The following ZBTB7C variants were observed in gnomAD, a reference collection of about 807,000 sequenced individuals.
The protein encoded by ZBTB7C is zinc finger and BTB domain-containing protein 7C.
In ZBTB7C, 8 loss-of-function variants were observed where a neutral mutation model predicts 25.7. That is an observed-to-expected ratio of 0.31 (90% confidence interval 0.18 to 0.56). The LOEUF is 0.56. Ranked by LOEUF, ZBTB7C falls within the 20% of genes least tolerant of loss-of-function variation. The pLI, the probability that ZBTB7C is intolerant of heterozygous loss-of-function variation, is 0.91. For missense variants in ZBTB7C, 824 were observed against 855.2 expected, an observed-to-expected ratio of 0.96 and a Z score of 0.46; for synonymous variants, 394 against 369.0, an observed-to-expected ratio of 1.07 and a Z score of -0.78.
chr18:48,127,390 A>C (rs1477663042), intron 3 of ZBTB7C, among the ~76,000 whole-genome samples: 1 of 152,164 alleles, frequency 6.6e-6, no homozygotes, highest in South Asian at 2.1e-4. Flanking sequence ...GCTGAATGTC[A>C]TGCCTGATTC....
Position 48,376,004 on chromosome 18 carries a change from C to G in ZBTB7C, c.-304+33222G>C, listed in dbSNP as rs146414689. Reference sequence around the variant, plus strand: ...AAATGGTAGTGTGCATCAGAATTGCCTGGAAGGCTTGTAAAATGCAGATGG... The same window carrying G: ...AAATGGTAGTGTGCATCAGAATTGCGTGGAAGGCTTGTAAAATGCAGATGG... On this transcript the variant is annotated intron_variant, in intron 1 of 4. Transcript: ENST00000590800. 6.5e-4 allele frequency among the ~76,000 whole-genome samples: 99 copies of G among 152,280 alleles called. 1 individual carries two copies. Among genetic ancestry groups the G allele is most frequent in the Non-Finnish European group, 1.1e-3 (74 of 68,030 alleles).
chr18:48,386,380 C>T (rs1434909429), intron 1 of ZBTB7C, among the ~76,000 whole-genome samples: 2 of 152,190 alleles, frequency 1.3e-5, no homozygotes, highest in South Asian at 2.1e-4. Flanking sequence ...CAGGTGAACT[C>T]GGATGCTAAG....
chr18:48,351,990 C>T (rs2046874288), intron 1 of ZBTB7C, among the ~76,000 whole-genome samples: 1 of 152,168 alleles, frequency 6.6e-6, no homozygotes. Flanking sequence ...GCCCAGCCCC[C>T]TTCCTCACCT....
chr18:48,270,158 A>C (rs1431924687), intron 2 of ZBTB7C, among the ~76,000 whole-genome samples: 1 of 152,126 alleles, frequency 6.6e-6, no homozygotes, highest in Non-Finnish European at 1.5e-5. Flanking sequence ...AAACACAAAG[A>C]AAGTAGAAGA....
chr18:48,134,249 ATAGT>A (rs2040078388), intron 3 of ZBTB7C, among the ~76,000 whole-genome samples: 1 of 152,282 alleles, frequency 6.6e-6, no homozygotes, highest in Non-Finnish European at 1.5e-5. Flanking sequence ...CACAAAAGTG[ATAGT>A]TAATTTTAGA....
chr18:48,333,089 TAG>T (rs2046377796), intron 2 of ZBTB7C, among the ~76,000 whole-genome samples: 2 of 152,224 alleles, frequency 1.3e-5, no homozygotes, highest in South Asian at 4.1e-4. Context: ...ACCCCCAAAT[TAG>T]AAACTAATTA....
intron 2 of ZBTB7C, among the ~76,000 whole-genome samples, chr18:48,286,115 T>C (rs1447559465): frequency 6.6e-6 from 1 of 152,220 alleles, no homozygotes; most frequent in Non-Finnish European, 1.5e-5. Context: ...TTTTAGTCCC[T>C]CTTCTTTTCA....
intron 2 of ZBTB7C, among the ~76,000 whole-genome samples, chr18:48,257,182 A>G (rs1327687767): frequency 6.6e-6 from 1 of 152,108 alleles, no homozygotes; most frequent in Non-Finnish European, 1.5e-5. Context: ...ATGAAAAGAA[A>G]GCTAGACTAG....
intron 2 of ZBTB7C, among the ~76,000 whole-genome samples, chr18:48,335,652 T>A (rs1056188688): frequency 2.0e-5 from 3 of 152,128 alleles, no homozygotes; most frequent in African/African-American, 7.2e-5. Context: ...TATTCTAGAG[T>A]CTAGATTGGT....
rs1157933563 is a variant in ZBTB7C at position 48,204,066 on chromosome 18, C to A, written c.-78-18071G>T. Among the ~76,000 whole-genome samples, 48 of 152,330 alleles carry A rather than the reference C, an allele frequency of 3.2e-4. No homozygotes were observed. The East Asian group carries it at 8.5e-3, about 27-fold the overall frequency. ...TGCACACCTGGGAGATGGGGGCTCCCCCTCAGGCCCTCACCCCTTCTCTCT... is the reference window on the plus strand; with the variant it reads ...TGCACACCTGGGAGATGGGGGCTCCACCTCAGGCCCTCACCCCTTCTCTCT... On this transcript the variant is annotated intron_variant, in intron 2 of 4. Transcript: ENST00000590800.
At chr18:48,051,141 C>T (rs570548892) in intron 3 of ZBTB7C, among the ~76,000 whole-genome samples, 13 of 152,294 alleles carry the variant, frequency 8.5e-5, no homozygotes, top group Admixed American at 7.2e-4. Context: ...TCCTCTACAC[C>T]AGCATTGGTT....
chr18:48,159,609 A>C (rs1205830838), intron 3 of ZBTB7C, among the ~76,000 whole-genome samples: 1 of 152,244 alleles, frequency 6.6e-6, no homozygotes, highest in Non-Finnish European at 1.5e-5. Context: ...AACTCTCCTA[A>C]GTTTCAAATC....
At chr18:48,180,455 C>A in intron 3 of ZBTB7C, 1 of 423,172 alleles carries the variant, frequency 2.4e-6, no homozygotes, top group Non-Finnish European at 4.7e-6. Context: ...GAGACAGAAG[C>A]TTTCATGTCA....
Position 48,029,412 on chromosome 18 carries a change from C to T in ZBTB7C, c.1708G>A (p.Ala570Thr), listed in dbSNP as rs202024343. The change falls in exon 5 of 5, where the codon GCG becomes ACG. Residue 570 changes from alanine (A) to threonine (T), a missense_variant. Ala to Thr is a moderately conservative substitution (Grantham distance 58). This residue lies in a region of ZBTB7C where 342 missense variants were observed against 307.0 expected (regional missense o/e 1.11). Coordinates refer to ENST00000590800, the MANE Select transcript of ZBTB7C (RefSeq NM_001318841.2). ...GRAQLEAERN[A>T]GGLLAFALAE... ...AGCGCGAAGGCCAGGAGGCCCCCCG[C>T]GTTCCTCTCAGCCTCCAGCTGCGCG... The T allele has an allele frequency of 5.7e-6, 9 of 1,576,988 alleles. No individual in the cohort carries two copies. The highest frequency in any genetic ancestry group is 1.4e-5 in the African/African-American group (1 of 73,272).
intron 2 of ZBTB7C, among the ~76,000 whole-genome samples, chr18:48,275,315 G>A (rs183848003): frequency 6.6e-6 from 1 of 152,304 alleles, no homozygotes; most frequent in Admixed American, 6.5e-5. Context: ...TCCCTCTGCA[G>A]AAGCCAGCGC....
At chr18:48,221,355 G>A (rs1247262192) in intron 2 of ZBTB7C, among the ~76,000 whole-genome samples, 29 of 116,136 alleles carry the variant, frequency 2.5e-4, no homozygotes, top group Admixed American at 9.3e-4. Flanking sequence ...TCTCCTCTAC[G>A]CTGTCCCTAG....
At chr18:48,180,366 A>C (rs1288449164) in intron 3 of ZBTB7C, 20 of 456,460 alleles carry the variant, frequency 4.4e-5, no homozygotes, top group Non-Finnish European at 7.9e-5. Context: ...TTATAAAATC[A>C]CACCATTCGC....
At chr18:48,183,897 C>T (rs1212883752) in intron 3 of ZBTB7C, among the ~76,000 whole-genome samples, 1 of 152,188 alleles carries the variant, frequency 6.6e-6, no homozygotes, top group Non-Finnish European at 1.5e-5. Flanking sequence ...CCTGAGACCA[C>T]ATTCCCACTC....
Position 48,074,158 on chromosome 18 carries a change from C to A in ZBTB7C, c.-16-33035G>T, listed in dbSNP as rs568684260. Among the ~76,000 whole-genome samples the A allele has an allele frequency of 6.6e-5, 10 of 152,126 alleles. No homozygotes were observed. The South Asian group carries it at 2.1e-3, about 32-fold the overall frequency. ...CCTCCTGAGTAGCTGGGATTACAGACGCATGCCACCACGCCTAGCTAATTT... is the reference window on the plus strand; with the variant it reads ...CCTCCTGAGTAGCTGGGATTACAGAAGCATGCCACCACGCCTAGCTAATTT... On this transcript the variant is annotated intron_variant, in intron 3 of 4. Transcript: ENST00000590800.
Sources: gnomAD v4.1 joint callset for allele counts (sites outside exome capture counted in the v4.1 genomes callset) on GRCh38, gnomAD v4.1.1 for gene constraint, gnomAD v4.1.1 regional missense constraint, MANE v1.5 for transcripts, NCBI Gene and HGNC (gene_info 2026-07-23, HGNC 2026-07-21) for gene names.